ANKS1B: variants seen among roughly 807,000 people sequenced by gnomAD.
The protein encoded by ANKS1B is ankyrin repeat and sterile alpha motif domain containing 1B, also known as ankyrin repeat and sterile alpha motif domain-containing protein 1B.
In ANKS1B, 36 loss-of-function variants were observed where a neutral mutation model predicts 148.3. The observed-to-expected ratio is 0.24, with a 90% CI of 0.19 to 0.32. ANKS1B has a LOEUF of 0.32. Ranked by LOEUF, ANKS1B falls within the 10% of genes least tolerant of loss-of-function variation. The probability of loss-of-function intolerance (pLI) is 1.00; values close to 1 mark genes in which losing one functional copy is unlikely to be tolerated. For synonymous variants in ANKS1B, 542 were observed against 560.8 expected, an observed-to-expected ratio of 0.97 and a Z score of 0.47; for missense variants, 1,157 against 1,542.6, an observed-to-expected ratio of 0.75 and a Z score of 4.19.
chr12:99,235,685 T>C (rs924190377), intron 14 of ANKS1B, among the ~76,000 whole-genome samples: 7 of 152,230 alleles, frequency 4.6e-5, no homozygotes, highest in Non-Finnish European at 1.0e-4. Flanking sequence ...TAAACATATG[T>C]ATGAAATTTT....
At chr12:99,790,370 G>A (rs921314130) in intron 4 of ANKS1B, among the ~76,000 whole-genome samples, 4 of 152,066 alleles carry the variant, frequency 2.6e-5, no homozygotes, top group Non-Finnish European at 5.9e-5. Context: ...ATGCTAAAGG[G>A]AGTTCTTCAA....
At chr12:98,913,124 AT>A (rs548005964) in intron 17 of ANKS1B, among the ~76,000 whole-genome samples, 2 of 151,964 alleles carry the variant, frequency 1.3e-5, no homozygotes, top group Admixed American at 6.6e-5. Flanking sequence ...AGTCTAACTC[AT>A]TTTTTTTGGT....
chr12:99,167,977 A>G (rs1267201245), intron 14 of ANKS1B, among the ~76,000 whole-genome samples: 1 of 152,238 alleles, frequency 6.6e-6, no homozygotes. Flanking sequence ...TTCCATTTAT[A>G]TAAAGTTCTA....
chr12:99,364,625 T>C (rs889908594), intron 12 of ANKS1B, among the ~76,000 whole-genome samples: 7 of 152,192 alleles, frequency 4.6e-5, no homozygotes, highest in Admixed American at 2.6e-4. Flanking sequence ...CTCTTGAAGG[T>C]TGTTATGGCA....
intron 12 of ANKS1B, among the ~76,000 whole-genome samples, chr12:99,297,064 A>G (rs2080967591): frequency 6.6e-6 from 1 of 152,190 alleles, no homozygotes; most frequent in Non-Finnish European, 1.5e-5. Context: ...TAGGTCTCAC[A>G]TTAGAGTTAT....
chr12:98,800,858 A>G, intron 21 of ANKS1B, 139 bp downstream of exon 21: 2 of 1,107,346 alleles, frequency 1.8e-6, no homozygotes, highest in Non-Finnish European at 2.5e-6. Flanking sequence ...ACTTTAAGAA[A>G]AAGTGAAGAG....
intron 9 of ANKS1B, chr12:99,649,568 A>G (rs867081050): frequency 4.1e-5 from 24 of 580,738 alleles, no homozygotes; most frequent in African/African-American, 3.9e-4. Flanking sequence ...GACTCAGGAG[A>G]GAAACACAGC....
chr12:99,037,410 G>A (rs1177660263), intron 17 of ANKS1B, among the ~76,000 whole-genome samples: 1 of 151,902 alleles, frequency 6.6e-6, no homozygotes, highest in Non-Finnish European at 1.5e-5. Flanking sequence ...TAGCTACTCG[G>A]GAGGCTGAGG....
intron 1 of ANKS1B, among the ~76,000 whole-genome samples, chr12:99,828,005 G>T (rs1459640222): frequency 6.6e-6 from 1 of 152,072 alleles, no homozygotes. Context: ...ATTAATAACA[G>T]CTCTATAGGT....
rs565344841 is a variant in ANKS1B, at chr12:99,368,714, C to T, written c.1756+30917G>A. Among the ~76,000 whole-genome samples the T allele has an allele frequency of 1.6e-3, 247 of 151,494 alleles. 3 individuals are homozygous for T. The highest frequency in any genetic ancestry group is 4.0e-4 in the Non-Finnish European group (27 of 67,820). ...TTTTACAGTGGTTGAGAAAAGAAAA[C>T]GGAAAAGAAAAAAGAATAAGATGAA... On this transcript the variant is annotated intron_variant, in intron 12 of 26. Transcript: ENST00000683438.
intron 9 of ANKS1B, among the ~76,000 whole-genome samples, chr12:99,589,951 A>G (rs1038763219): frequency 2.0e-5 from 3 of 152,164 alleles, no homozygotes; most frequent in African/African-American, 7.2e-5. Context: ...ATGTGCAACT[A>G]TTATGTATCC....
chr12:99,581,129 GA>G (rs1483866237), intron 9 of ANKS1B, among the ~76,000 whole-genome samples: 1 of 152,060 alleles, frequency 6.6e-6, no homozygotes. Context: ...ACAATATTGG[GA>G]AATTAACACT....
intron 17 of ANKS1B, among the ~76,000 whole-genome samples, chr12:98,855,165 C>CAAAAAAAA (rs60609011): frequency 7.7e-4 from 67 of 86,718 alleles, no homozygotes; most frequent in African/African-American, 2.3e-3. Flanking sequence ...GACTCCGTCT[C>CAAAAAAAA]AAAAAAAAAA....
chr12:99,000,715 C>T (rs942410344), intron 17 of ANKS1B, among the ~76,000 whole-genome samples: 2 of 152,182 alleles, frequency 1.3e-5, no homozygotes, highest in Non-Finnish European at 2.9e-5. Flanking sequence ...ATTCATCTTG[C>T]ATAACTGAAA....
intron 11 of ANKS1B, among the ~76,000 whole-genome samples, chr12:99,433,125 T>C (rs1430454867): frequency 6.6e-6 from 1 of 152,072 alleles, no homozygotes; most frequent in Non-Finnish European, 1.5e-5. Context: ...AGATGACAGA[T>C]GGTAAGATTC....
chr12:99,326,277 G>T (rs1320386671), intron 12 of ANKS1B, among the ~76,000 whole-genome samples: 1 of 152,010 alleles, frequency 6.6e-6, no homozygotes, highest in Non-Finnish European at 1.5e-5. Flanking sequence ...TTTCCTTGTT[G>T]ACTTTCTGGA....
intron 9 of ANKS1B, among the ~76,000 whole-genome samples, chr12:99,517,999 C>T (rs1438860923): frequency 6.6e-6 from 1 of 152,052 alleles, no homozygotes; most frequent in Non-Finnish European, 1.5e-5. Flanking sequence ...ATCCTTTATT[C>T]TGTTGATATG....
At chr12:98,810,703 C>T (rs1351200712) in intron 19 of ANKS1B, among the ~76,000 whole-genome samples, 1 of 152,248 alleles carries the variant, frequency 6.6e-6, no homozygotes, top group Non-Finnish European at 1.5e-5. Flanking sequence ...GTTTTGGTTA[C>T]TCCCAAAGGG....
At chr12:99,473,452 AC>A (rs1009190142) in intron 10 of ANKS1B, among the ~76,000 whole-genome samples, 2 of 152,048 alleles carry the variant, frequency 1.3e-5, no homozygotes, top group African/African-American at 4.8e-5. Context: ...CAAGAGCCAT[AC>A]CTAGTAGTAC....
Sources: gnomAD v4.1 joint callset for allele counts (sites outside exome capture counted in the v4.1 genomes callset) on GRCh38, gnomAD v4.1.1 for gene constraint, MANE v1.5 for transcripts, NCBI Gene and HGNC (gene_info 2026-07-23, HGNC 2026-07-21) for gene names.